ZNF346: variants seen among roughly 807,000 people sequenced by gnomAD.
ZNF346 encodes zinc finger protein 346, also known as double-stranded RNA-binding zinc finger protein JAZ.
Under a neutral mutation model 33.7 loss-of-function variants are expected in ZNF346, and 23 were observed. That is an observed-to-expected ratio of 0.68 (90% CI 0.49 to 0.97). The LOEUF is 0.97. Ranked by LOEUF, ZNF346 falls within the 50% of genes least tolerant of loss-of-function variation. The probability of loss-of-function intolerance (pLI) is 0.00; values close to 1 mark genes in which losing one functional copy is unlikely to be tolerated. For missense variants in ZNF346, 340 were observed against 371.1 expected, an observed-to-expected ratio of 0.92 and a Z score of 0.69; for synonymous variants, 134 against 142.4, an observed-to-expected ratio of 0.94 and a Z score of 0.42.
chr5:177,064,819 A>T lies in ZNF346; in HGVS notation c.*220A>T, dbSNP rs1039685827. ...AGGTCATGACAGGGGAGGCAAGGGT[A>T]TTGAGAGACTCGGGGTCTCGCGGGG... is the stretch of plus-strand genomic sequence containing the variant. On this transcript the variant is annotated 3_prime_UTR_variant, in exon 7 of 7. Coordinates refer to ENST00000358149, the MANE Select transcript of ZNF346 (RefSeq NM_012279.4). The T allele has an allele frequency of 3.6e-6, 2 of 551,208 alleles. No individual in the cohort carries two copies. 34.1% of individuals were successfully genotyped at this position (551,208 alleles called of 1,614,324 possible).
rs1436419958 is a variant in ZNF346 at position 177,065,574 on chromosome 5, A to G, written c.*975A>G. 6.6e-6 allele frequency: 1 copy of G among 152,622 alleles called. No homozygotes were observed. Among genetic ancestry groups the G allele is most frequent in the Non-Finnish European group, 1.5e-5 (1 of 68,048 alleles). 9.5% of individuals were successfully genotyped at this position (152,622 alleles called of 1,614,324 possible). A position where few individuals can be genotyped will look rare whatever the true frequency, so the allele number is the denominator to read the frequency against. The stretch of plus-strand genomic sequence containing the variant: ...ATCCACCGGGTGATTTCTGGGTCCC[A>G]GGGAAAGAAAGAGAGAGCTGATGCA... On this transcript the variant is annotated 3_prime_UTR_variant, in exon 7 of 7. Transcript: ENST00000358149.
intron 1 of ZNF346, among the ~76,000 whole-genome samples, chr5:177,032,185 G>A (rs958129925): frequency 1.3e-5 from 2 of 151,028 alleles, no homozygotes; most frequent in Non-Finnish European, 3.0e-5. Flanking sequence ...TGTGTTTTTA[G>A]TACAGATGGA....
At chr5:177,053,155 A>G (rs914283325) in intron 5 of ZNF346, among the ~76,000 whole-genome samples, 3 of 152,134 alleles carry the variant, frequency 2.0e-5, no homozygotes, top group Admixed American at 1.3e-4. Flanking sequence ...GTCTCTACTG[A>G]AAATAGAAAA....
chr5:177,061,042 G>T (rs903249591), intron 5 of ZNF346, among the ~76,000 whole-genome samples: 1 of 152,070 alleles, frequency 6.6e-6, no homozygotes, highest in Non-Finnish European at 1.5e-5. Context: ...AACCCGGGAG[G>T]CGGAGCTTGC....
downstream of ZNF346, among the ~76,000 whole-genome samples, chr5:177,071,445 G>A (rs1439576914): frequency 6.6e-6 from 1 of 151,958 alleles, no homozygotes; most frequent in Non-Finnish European, 1.5e-5. Context: ...CCAGCACTTT[G>A]GGAGGCTGAG....
intron 5 of ZNF346, chr5:177,052,443 A>G (rs2149673376): frequency 6.6e-6 from 1 of 152,088 alleles, no homozygotes; most frequent in Admixed American, 6.6e-5. Flanking sequence ...ATGACCTCCC[A>G]AAGTGGTGGG....
chr5:177,054,404 T>A (rs1316143720), intron 5 of ZNF346, among the ~76,000 whole-genome samples: 1 of 151,530 alleles, frequency 6.6e-6, no homozygotes, highest in East Asian at 1.9e-4. Flanking sequence ...TATTTTTTTA[T>A]TTTGTTTTTT....
chr5:177,073,173 C>T (rs1018830341), intron 8 of ZNF346, among the ~76,000 whole-genome samples: 2 of 152,214 alleles, frequency 1.3e-5, no homozygotes, highest in Non-Finnish European at 2.9e-5. Flanking sequence ...GATACTGCAT[C>T]CCTGGTCCCT....
chr5:177,032,416 CTT>C (rs1031758266), intron 1 of ZNF346, among the ~76,000 whole-genome samples: 1 of 144,338 alleles, frequency 6.9e-6, no homozygotes, highest in Non-Finnish European at 1.5e-5. Context: ...CTGCACGCAG[CTT>C]TTTTTTTTTG....
exon 9 of ZNF346, chr5:177,080,812 A>G (rs566760947): frequency 2.0e-5 from 3 of 152,264 alleles, no homozygotes; most frequent in Non-Finnish European, 2.9e-5. Flanking sequence ...TGTCTCCAAA[A>G]AAAACCCAGA....
intron 8 of ZNF346, among the ~76,000 whole-genome samples, chr5:177,075,121 C>T (rs1443976700): frequency 6.6e-6 from 1 of 151,684 alleles, no homozygotes; most frequent in Non-Finnish European, 1.5e-5. Flanking sequence ...TACATTTTGG[C>T]CGGGCATGGT....
intron 1 of ZNF346, 161 bp downstream of exon 1, chr5:177,023,074 A>C: frequency 1.4e-6 from 2 of 1,437,894 alleles, no homozygotes; most frequent in Non-Finnish European, 1.9e-6. Context: ...GCACCCCAAG[A>C]ATCGGGCCCC....
intron 8 of ZNF346, among the ~76,000 whole-genome samples, chr5:177,074,375 G>C (rs1026647676): frequency 6.6e-6 from 1 of 152,204 alleles, no homozygotes; most frequent in Non-Finnish European, 1.5e-5. Context: ...CGAGCCCAGA[G>C]CTGTTAGTGG....
At chr5:177,035,953 A>T (rs1367351483) in intron 1 of ZNF346, among the ~76,000 whole-genome samples, 1 of 144,776 alleles carries the variant, frequency 6.9e-6, no homozygotes, top group Non-Finnish European at 1.5e-5. Context: ...TGACAATTTT[A>T]TCCAAGTTTT....
At chr5:177,036,067 C>T (rs1013187521) in intron 1 of ZNF346, among the ~76,000 whole-genome samples, 1 of 151,216 alleles carries the variant, frequency 6.6e-6, no homozygotes, top group Non-Finnish European at 1.5e-5. Context: ...AGTTCTGATT[C>T]AGGGTCTCTT....
chr5:177,041,413 C>T (rs1444750061), intron 2 of ZNF346, among the ~76,000 whole-genome samples, 184 bp downstream of exon 2: 1 of 152,156 alleles, frequency 6.6e-6, no homozygotes, highest in East Asian at 1.9e-4. Context: ...CCATCCAAAT[C>T]AGGATCATTA....
intron 4 of ZNF346, among the ~76,000 whole-genome samples, chr5:177,048,787 CTTTTTTTTTT>C (rs58509601): frequency 7.6e-6 from 1 of 132,200 alleles, no homozygotes; most frequent in Non-Finnish European, 1.6e-5. Flanking sequence ...CTTTTTTTTT[CTTTTTTTTTT>C]TTTTTGAGAC....
intron 3 of ZNF346, among the ~76,000 whole-genome samples, chr5:177,042,887 C>T (rs977613929): frequency 1.1e-4 from 16 of 152,092 alleles, no homozygotes; most frequent in Admixed American, 3.9e-4. Context: ...CACACCACCA[C>T]GCCTGGCTAA....
chr5:177,033,996 G>A (rs919511636), intron 1 of ZNF346, among the ~76,000 whole-genome samples: 8 of 151,624 alleles, frequency 5.3e-5, no homozygotes, highest in African/African-American at 7.3e-5. Flanking sequence ...ATCCTCCCAC[G>A]TCAGCCACTT....
Sources: gnomAD v4.1 joint callset for allele counts (sites outside exome capture counted in the v4.1 genomes callset) on GRCh38, gnomAD v4.1.1 for gene constraint, MANE v1.5 for transcripts, NCBI Gene and HGNC (gene_info 2026-07-23, HGNC 2026-07-21) for gene names.